Variants in HSD11B1 observed in about 807,000 individuals in gnomAD.
The protein encoded by HSD11B1 is 11-beta-hydroxysteroid dehydrogenase 1.
A neutral mutation model predicts 22.1 loss-of-function variants in HSD11B1; 15 were observed. The ratio of observed to expected loss-of-function variants is 0.68; its 90% CI spans 0.45 to 1.04. The LOEUF is 1.04. Ranked by LOEUF, HSD11B1 falls within the 50% of genes least tolerant of loss-of-function variation. HSD11B1 has a pLI of 0.00. For missense variants in HSD11B1, 281 were observed against 357.6 expected (o/e 0.79, Z 1.73); for synonymous variants, 122 against 125.2 (o/e 0.97, Z 0.17).
intron 1 of HSD11B1, among the ~76,000 whole-genome samples, chr1:209,688,464 C>A (rs751029202): frequency 6.6e-6 from 1 of 152,184 alleles, no homozygotes; most frequent in African/African-American, 2.4e-5. Flanking sequence ...TGAAAGCAGA[C>A]ACCACATATT....
intron 4 of HSD11B1, among the ~76,000 whole-genome samples, chr1:209,723,693 CCT>C (rs2076982446): frequency 6.6e-6 from 1 of 152,194 alleles, no homozygotes; most frequent in Non-Finnish European, 1.5e-5. Context: ...TTTGTTCTTT[CCT>C]CTCTTTCCCC....
intron 1 of HSD11B1, among the ~76,000 whole-genome samples, chr1:209,690,929 A>G (rs2076756029): frequency 1.3e-5 from 2 of 152,338 alleles, no homozygotes; most frequent in African/African-American, 4.8e-5. Context: ...TCTAAAATTT[A>G]CCAAAATACA....
Position 209,721,202 on chromosome 1 carries a change from T to A in HSD11B1, c.518-11234T>A, listed in dbSNP as rs543633214. 2.6e-5 allele frequency among the ~76,000 whole-genome samples: 4 copies of A among 152,278 alleles called. No individual in the cohort carries two copies. In the South Asian group the frequency reaches 8.3e-4, roughly 32 times the overall value. On this transcript the variant is annotated intron_variant, in intron 4 of 5. Coordinates refer to ENST00000367027, the MANE Select transcript of HSD11B1 (RefSeq NM_005525.4). ...GCACTGTGAGAGAATAAATTTCTGT[T>A]GTCTTAAGCCACCCAGTTTGTGGTA...
At chr1:209,719,049 AAAG>A (rs1232143995) in intron 4 of HSD11B1, among the ~76,000 whole-genome samples, 1 of 146,888 alleles carries the variant, frequency 6.8e-6, no homozygotes, top group African/African-American at 2.5e-5. Context: ...AAAGAAAAGA[AAAG>A]AAAGCAGGGT....
upstream of HSD11B1, among the ~76,000 whole-genome samples, chr1:209,700,700 T>A (rs2076821507): frequency 6.6e-6 from 1 of 152,250 alleles, no homozygotes; most frequent in African/African-American, 2.4e-5. Context: ...CTGCAAATTT[T>A]CTGAACTTTT....
chr1:209,727,839 C>G (rs1018287739), intron 4 of HSD11B1, among the ~76,000 whole-genome samples: 5 of 152,254 alleles, frequency 3.3e-5, no homozygotes, highest in African/African-American at 1.2e-4. Context: ...TCTCCGCTTA[C>G]TTATCCCTCT....
chr1:209,719,319 G>T (rs1211145231), intron 4 of HSD11B1, among the ~76,000 whole-genome samples: 2 of 152,162 alleles, frequency 1.3e-5, no homozygotes, highest in Non-Finnish European at 2.9e-5. Flanking sequence ...GAACCCTCTG[G>T]TATTGGTTTG....
intron 1 of HSD11B1, among the ~76,000 whole-genome samples, chr1:209,691,441 A>G (rs555397140): frequency 6.8e-4 from 104 of 152,338 alleles, no homozygotes; most frequent in African/African-American, 2.4e-3. Context: ...TTCCCAAAGG[A>G]AAGTCCCCAG....
intron 4 of HSD11B1, among the ~76,000 whole-genome samples, chr1:209,731,419 T>G (rs1274815602): frequency 2.6e-5 from 4 of 152,026 alleles, no homozygotes; most frequent in Non-Finnish European, 5.9e-5. Context: ...CATACAAGAA[T>G]AGTAAATATG....
chr1:209,697,884 C>T (rs71515144), intron 1 of HSD11B1, among the ~76,000 whole-genome samples: 711 of 41,602 alleles, frequency 0.017, 17 homozygotes, highest in African/African-American at 0.052. Context: ...TTGTTTTTTC[C>T]TTTTTTTTTT....
chr1:209,699,017 A>G (rs1015433735), intron 1 of HSD11B1, among the ~76,000 whole-genome samples: 2 of 152,230 alleles, frequency 1.3e-5, no homozygotes, highest in African/African-American at 4.8e-5. Context: ...TAGCTAAAAA[A>G]TAGAATAAAT....
At chr1:209,732,742 TC>T (rs570706359) in intron 5 of HSD11B1, among the ~76,000 whole-genome samples, 163 bp downstream of exon 5, 89 of 142,196 alleles carry the variant, frequency 6.3e-4, no homozygotes, top group African/African-American at 2.2e-3. Flanking sequence ...ATGCTATCCC[TC>T]CCCCTTCCCC....
intron 1 of HSD11B1, among the ~76,000 whole-genome samples, chr1:209,697,747 GT>G (rs1456371699): frequency 6.6e-6 from 1 of 152,038 alleles, no homozygotes; most frequent in East Asian, 1.9e-4. Context: ...GGTCCAGAAT[GT>G]TTTGTCCACA....
chr1:209,704,368 T>C (rs768613072), upstream of HSD11B1, among the ~76,000 whole-genome samples: 6 of 152,130 alleles, frequency 3.9e-5, no homozygotes, highest in Non-Finnish European at 8.8e-5. Context: ...TTTGCTTTCA[T>C]TATTTTTTCC....
chr1:209,704,418 T>C (rs2076843561), upstream of HSD11B1, among the ~76,000 whole-genome samples: 1 of 151,604 alleles, frequency 6.6e-6, no homozygotes, highest in South Asian at 2.1e-4. Flanking sequence ...TATTTTGCTG[T>C]TTTGTGCTGT....
Position 209,734,420 on chromosome 1 carries a change from A to C in HSD11B1, c.778A>C (p.Ser260Arg), listed in dbSNP as rs765795987. 4 of 1,614,142 alleles carry C rather than the reference A, an allele frequency of 2.5e-6. No individual in the cohort carries two copies. Among genetic ancestry groups the C allele is most frequent in the Non-Finnish European group, 3.4e-6 (4 of 1,179,970 alleles). Residue 260 changes from serine to arginine, a missense_variant, in exon 6 of 6, where the codon AGC (serine) becomes CGC (arginine). Physicochemically the swap from Ser to Arg is moderately radical, Grantham distance 110. Coordinates refer to ENST00000367027, the MANE Select transcript of HSD11B1 (RefSeq NM_005525.4). ...ALRQEEVYYD[S>R]SLWTTLLIRN... ...GCGCCAAGAAGAAGTGTATTATGACAGCTCACTCTGGACCACTCTTCTGAT... is the reference window on the plus strand; with the variant it reads ...GCGCCAAGAAGAAGTGTATTATGACCGCTCACTCTGGACCACTCTTCTGAT...
chr1:209,730,673 T>C (rs984988463), intron 4 of HSD11B1, among the ~76,000 whole-genome samples: 6 of 152,234 alleles, frequency 3.9e-5, no homozygotes, highest in Non-Finnish European at 7.3e-5. Flanking sequence ...TTTTGCTATA[T>C]GACATAAAAC....
At chr1:209,730,303 C>T (rs1284778446) in intron 4 of HSD11B1, among the ~76,000 whole-genome samples, 4 of 152,212 alleles carry the variant, frequency 2.6e-5, no homozygotes, top group Non-Finnish European at 5.9e-5. Flanking sequence ...CATTTCTGTT[C>T]CACTATAATT....
rs79796803 is a variant in HSD11B1 at position 209,713,494 on chromosome 1, G to A, written c.517+6366G>A. Among the ~76,000 whole-genome samples, 817 of 152,162 alleles carry A rather than the reference G, an allele frequency of 5.4e-3. 7 individuals carry two copies. The highest frequency in any genetic ancestry group is 0.018 in the African/African-American group (760 of 41,510). ...TGTGCCTCTTTTCATAACCTTTTAT[G>A]AGAAATTCATTTCAGAAATTATTTG... is the stretch of plus-strand genomic sequence containing the variant. On this transcript the variant is annotated intron_variant, in intron 4 of 5. Transcript: ENST00000367027.
Sources: gnomAD v4.1 joint callset for allele counts (sites outside exome capture counted in the v4.1 genomes callset) on GRCh38, gnomAD v4.1.1 for gene constraint, MANE v1.5 for transcripts, NCBI Gene and HGNC (gene_info 2026-07-23, HGNC 2026-07-21) for gene names.